Variants in SOBP observed in about 807,000 individuals in gnomAD.
SOBP encodes the protein sine oculis binding protein homolog.
In SOBP, 4 loss-of-function variants were observed where a neutral mutation model predicts 53.6. That is an observed-to-expected ratio of 0.07 (90% CI 0.04 to 0.17). The LOEUF (loss-of-function observed/expected upper bound fraction) is 0.17, where lower values mean the gene tolerates loss of function less well. Among genes scored for constraint, SOBP ranks in the 10% least tolerant of loss-of-function variants. The pLI, the probability that SOBP is intolerant of heterozygous loss-of-function variation, is 1.00. For synonymous variants in SOBP, 584 were observed against 522.6 expected (o/e 1.12, Z -1.60); for missense variants, 1,088 against 1,204.7 (o/e 0.90, Z 1.43).
intron 4 of SOBP, among the ~76,000 whole-genome samples, chr6:107,546,761 G>T (rs1319424025): frequency 1.3e-5 from 2 of 152,194 alleles, no homozygotes; most frequent in African/African-American, 4.8e-5. Context: ...GTTAGCATTT[G>T]ATACAAACCT....
intron 4 of SOBP, among the ~76,000 whole-genome samples, chr6:107,580,398 C>T (rs1442620603): frequency 6.6e-6 from 1 of 152,196 alleles, no homozygotes; most frequent in Non-Finnish European, 1.5e-5. Context: ...ACAGAACATT[C>T]CAGGCCTTGG....
intron 3 of SOBP, chr6:107,529,388 C>T (rs770279885): frequency 1.5e-4 from 146 of 946,768 alleles, no homozygotes; most frequent in Non-Finnish European, 1.8e-4. Context: ...GGAGTCTCCT[C>T]AGACTGCCTT....
intron 4 of SOBP, among the ~76,000 whole-genome samples, chr6:107,561,705 A>G (rs946329485): frequency 1.3e-5 from 2 of 152,242 alleles, no homozygotes; most frequent in Admixed American, 6.5e-5. Flanking sequence ...GAAACAAGAC[A>G]AATTATGATA....
chr6:107,624,849 T>C (rs1470364624), intron 5 of SOBP, among the ~76,000 whole-genome samples: 1 of 152,218 alleles, frequency 6.6e-6, no homozygotes, highest in Non-Finnish European at 1.5e-5. Flanking sequence ...TCCTTAGAGT[T>C]CTAAATGTCA....
chr6:107,501,295 A>G (rs958444843), intron 1 of SOBP, among the ~76,000 whole-genome samples: 1 of 152,194 alleles, frequency 6.6e-6, no homozygotes, highest in Non-Finnish European at 1.5e-5. Context: ...TCTGGATCCC[A>G]TTCCTGGAAC....
At chr6:107,592,705 A>G (rs557586334) in intron 5 of SOBP, among the ~76,000 whole-genome samples, 1 of 152,326 alleles carries the variant, frequency 6.6e-6, no homozygotes, top group South Asian at 2.1e-4. Flanking sequence ...TAGTCACTGC[A>G]ATAGCCCCAC....
At chr6:107,511,956 C>G (rs1535286) in intron 3 of SOBP, among the ~76,000 whole-genome samples, 63,537 of 151,858 alleles carry the variant, frequency 0.42, 16,778 homozygotes, top group Middle Eastern at 0.68. Flanking sequence ...CCCCCTCCCC[C>G]GCCCCCATGC....
chr6:107,584,497 C>G (rs1785505652), intron 4 of SOBP, among the ~76,000 whole-genome samples: 1 of 152,120 alleles, frequency 6.6e-6, no homozygotes, highest in Non-Finnish European at 1.5e-5. Context: ...CTTTTCATTT[C>G]TGTGGCATGT....
chr6:107,633,283 G>GA (rs1377886332), intron 5 of SOBP, among the ~76,000 whole-genome samples: 2 of 151,982 alleles, frequency 1.3e-5, no homozygotes, highest in Admixed American at 1.3e-4. Flanking sequence ...CACAATTTAA[G>GA]AAAAAAGAAT....
At chr6:107,530,581 G>A (rs1272605361) in intron 3 of SOBP, among the ~76,000 whole-genome samples, 3 of 151,678 alleles carry the variant, frequency 2.0e-5, no homozygotes, top group Non-Finnish European at 4.4e-5. Flanking sequence ...CTGAAATACC[G>A]GAAAATGTTT....
At chr6:107,555,988 G>T (rs115274111) in intron 4 of SOBP, among the ~76,000 whole-genome samples, 126 of 152,320 alleles carry the variant, frequency 8.3e-4, no homozygotes, top group African/African-American at 2.9e-3. Context: ...TGATATGTTA[G>T]GGGTAAGAGG....
At chr6:107,525,304 G>A (rs1583172966) in intron 3 of SOBP, among the ~76,000 whole-genome samples, 1 of 152,146 alleles carries the variant, frequency 6.6e-6, no homozygotes, top group East Asian at 1.9e-4. Flanking sequence ...GTGAAATTAT[G>A]GGGAAATACT....
Position 107,634,790 on chromosome 6 carries a change from C to T in SOBP, c.1946C>T (p.Pro649Leu). 19 of 1,397,566 alleles carry T rather than the reference C, an allele frequency of 1.4e-5. No individual in the cohort carries two copies. Among genetic ancestry groups the T allele is most frequent in the Non-Finnish European group, 1.7e-5 (18 of 1,073,464 alleles). 86.6% of individuals were successfully genotyped at this position (1,397,566 alleles called of 1,614,324 possible). ...QLGFPGVLQG[P>L]QDGVIDLTVG... ...GGCTTCCCAGGCGTGCTGCAGGGCCCGCAGGACGGCGTCATCGACCTGACC... is the reference window on the plus strand; with the variant it reads ...GGCTTCCCAGGCGTGCTGCAGGGCCTGCAGGACGGCGTCATCGACCTGACC... Residue 649 changes from proline to leucine, a missense_variant, in exon 6 of 7, where the codon CCG becomes CTG. This residue lies in a region of SOBP where 665 missense variants were observed against 629.7 expected (regional missense o/e 1.06). Transcript: ENST00000317357. This position sits in a 1 kb window ranked among gnomAD's most constrained non-coding sequence, Gnocchi z 4.5.
chr6:107,626,074 T>C (rs543263092), intron 5 of SOBP, among the ~76,000 whole-genome samples: 5 of 152,216 alleles, frequency 3.3e-5, no homozygotes, highest in Admixed American at 2.0e-4. Flanking sequence ...GCCAAATATA[T>C]ACTTGAAAAA....
At chr6:107,591,980 T>G (rs866001023) in intron 5 of SOBP, among the ~76,000 whole-genome samples, 10 of 144,032 alleles carry the variant, frequency 6.9e-5, no homozygotes, top group Admixed American at 2.7e-4. Flanking sequence ...TTTTTTTTTT[T>G]TTTTTTTTTT....
At position 107,659,791 on chromosome 6, in the gene SOBP, T is replaced by C. The variant is rs1449048326; in HGVS notation, c.*1588T>C. 2 of 152,326 alleles carry C rather than the reference T, an allele frequency of 1.3e-5. No homozygotes were observed. 9.4% of individuals were successfully genotyped at this position (152,326 alleles called of 1,614,324 possible). On this transcript the variant is annotated 3_prime_UTR_variant, in exon 7 of 7. Transcript: ENST00000317357. ...TACAGAGTCACTTCACAAGTCAAGC[T>C]ACTGTTTTACAGGTGCTCCTTATTT...
chr6:107,621,072 C>A, intron 5 of SOBP: 1 of 538,344 alleles, frequency 1.9e-6, no homozygotes, highest in Non-Finnish European at 2.4e-6. Flanking sequence ...GGTATGTTAT[C>A]TGGCTGCTTG....
At chr6:107,653,199 G>A (rs189596463) in intron 6 of SOBP, among the ~76,000 whole-genome samples, 24 of 152,306 alleles carry the variant, frequency 1.6e-4, no homozygotes, top group Non-Finnish European at 3.1e-4. Flanking sequence ...AGAAGGAATC[G>A]TGTTTTGGTA....
At chr6:107,518,235 A>G (rs1216623818) in intron 3 of SOBP, among the ~76,000 whole-genome samples, 1 of 152,206 alleles carries the variant, frequency 6.6e-6, no homozygotes, top group Non-Finnish European at 1.5e-5. Flanking sequence ...AGTAAACATG[A>G]AAAGTTTTTC....
Sources: allele counts gnomAD v4.1 joint callset (sites outside exome capture counted in the v4.1 genomes callset), GRCh38; gene constraint gnomAD v4.1.1; regional missense constraint gnomAD v4.1.1; non-coding constraint Gnocchi (gnomAD v3.1); transcripts MANE v1.5; gene names NCBI Gene and HGNC (gene_info 2026-07-23, HGNC 2026-07-21).